Variants in POTEF observed in about 807,000 individuals in gnomAD.
POTEF encodes the protein ANKRD26-like family C member 1B.
In POTEF, 20 loss-of-function variants were observed where a neutral mutation model predicts 83.2. The observed-to-expected ratio is 0.24, with a 90% CI of 0.17 to 0.35. The LOEUF (loss-of-function observed/expected upper bound fraction) is 0.35, where lower values mean the gene tolerates loss of function less well. Ranked by LOEUF, POTEF falls within the 10% of genes least tolerant of loss-of-function variation. The pLI is 1.00. For missense variants in POTEF, 550 were observed against 1,203.2 expected (o/e 0.46, Z 8.03); for synonymous variants, 196 against 446.4 (o/e 0.44, Z 7.07).
intron 1 of POTEF, among the ~76,000 whole-genome samples, 188 bp downstream of exon 1, chr2:130,128,884 C>T (rs1199185575): frequency 2.3e-4 from 29 of 126,874 alleles, no homozygotes; most frequent in Admixed American, 1.7e-3. Context: ...CCATCACCCC[C>T]GCCACCACGG....
chr2:130,083,677 G>A (rs1479468571), intron 15 of POTEF, among the ~76,000 whole-genome samples: 1 of 86,184 alleles, frequency 1.2e-5, no homozygotes, highest in Admixed American at 1.4e-4. Context: ...AAGAGTGAAT[G>A]GAAAGAAAAT....
chr2:130,121,221 C>T (rs1451499058), intron 2 of POTEF, among the ~76,000 whole-genome samples: 1 of 148,524 alleles, frequency 6.7e-6, no homozygotes, highest in African/African-American at 2.5e-5. Flanking sequence ...TAAGTCTTGG[C>T]GCCACGAATG....
At chr2:130,095,017 A>T (rs1188796380) in intron 11 of POTEF, among the ~76,000 whole-genome samples, 10 of 151,222 alleles carry the variant, frequency 6.6e-5, no homozygotes, top group Non-Finnish European at 1.5e-4. Context: ...GGAAAGAACC[A>T]TGTCAAACTT....
chr2:130,128,799 G>T (rs1363935122), intron 1 of POTEF, among the ~76,000 whole-genome samples: 1 of 135,538 alleles, frequency 7.4e-6, no homozygotes, highest in Non-Finnish European at 1.5e-5. Context: ...CCCGGGCAGT[G>T]CAGCAGAAAA....
intron 1 of POTEF, 139 bp downstream of exon 1, chr2:130,128,923 ACCGCCCCCCT>A (rs1685170056): frequency 9.3e-6 from 1 of 107,950 alleles, no homozygotes; most frequent in African/African-American, 4.1e-5. Flanking sequence ...GCCAGCCAAA[ACCGCCCCCCT>A]CCACCGCCAG....
In POTEF at chr2:130,114,908, A is replaced by G. The variant is rs3100059; in HGVS notation, c.783T>C (p.Tyr261=). 3.3e-3 allele frequency: 4,781 copies of G among 1,441,218 alleles called. 130 individuals are homozygous for G. The African/African-American group carries it at 0.061, about 19-fold the overall frequency. 89.3% of individuals were successfully genotyped at this position (1,441,218 alleles called of 1,614,324 possible). Residue 261 remains tyrosine, a synonymous_variant, in exon 5 of 17, where the codon TAT becomes TAC. Coordinates refer to ENST00000409914, the MANE Select transcript of POTEF (RefSeq NM_001099771.2). ...DKLMAKALLL[Y]GADIESKNKH... is the part of the protein sequence containing the mutation. ...TGTTTTTTGATTCGATATCAGCACC[A>G]TATAAGAGCAGTGCTTTGGCCATTA...
At chr2:130,127,324 CAAAAAAAAAA>C (rs57173649) in intron 2 of POTEF, among the ~76,000 whole-genome samples, 2 of 12,442 alleles carry the variant, frequency 1.6e-4, no homozygotes, top group Non-Finnish European at 2.7e-4. Context: ...GACTCTGTCT[CAAAAAAAAAA>C]AAAAAAAAAA....
chr2:130,093,080 A>G (rs1684169508), intron 12 of POTEF, among the ~76,000 whole-genome samples: 1 of 144,850 alleles, frequency 6.9e-6, no homozygotes, highest in African/African-American at 2.7e-5. Context: ...AGGAGCATGA[A>G]CCCTGTTGTG....
intron 3 of POTEF, among the ~76,000 whole-genome samples, chr2:130,119,357 A>G (rs6731913): frequency 0.63 from 95,411 of 151,462 alleles, 30,333 homozygotes; most frequent in Admixed American, 0.72. Flanking sequence ...TAGTAGAGAC[A>G]GGGTTTCACC....
At chr2:130,113,400 T>G (rs1287784329) in intron 5 of POTEF, among the ~76,000 whole-genome samples, 1 of 138,172 alleles carries the variant, frequency 7.2e-6, no homozygotes, top group Non-Finnish European at 1.5e-5. Context: ...TCAGCACATA[T>G]CCAACCCCAA....
At chr2:130,103,614 A>C (rs1386416692) in intron 8 of POTEF, among the ~76,000 whole-genome samples, 1 of 148,980 alleles carries the variant, frequency 6.7e-6, no homozygotes, top group East Asian at 2.0e-4. Context: ...CATCTTACTC[A>C]CATTTTACTC....
rs749033237 is a variant in POTEF at position 130,075,292 on chromosome 2, G to T, written c.2180C>A (p.Pro727His). Residue 727 changes from proline (P) to histidine (H), a missense_variant, in exon 17 of 17, where the codon CCC (proline) becomes CAC (histidine). Transcript: ENST00000409914. Reference sequence around the variant, plus strand: ...CACGATGGAAGGGAAGACAGCCCGGGGGGCATCGTCGCCCGCAAAGCCGGC... The same window carrying T: ...CACGATGGAAGGGAAGACAGCCCGGTGGGCATCGTCGCCCGCAAAGCCGGC... ...CKAGFAGDDA[P>H]RAVFPSIVGR... The T allele has an allele frequency of 2.4e-5, 38 of 1,612,654 alleles. No individual in the cohort carries two copies. The African/African-American group carries it at 4.7e-4, about 20-fold the overall frequency.
At chr2:130,105,970 T>C (rs1293783785) in intron 8 of POTEF, among the ~76,000 whole-genome samples, 1 of 151,052 alleles carries the variant, frequency 6.6e-6, no homozygotes, top group Non-Finnish European at 1.5e-5. Context: ...AATGAGCATG[T>C]GGTGTGACCC....
At chr2:130,097,432 GTTTT>G (rs1684270216) in intron 11 of POTEF, among the ~76,000 whole-genome samples, 2 of 118,136 alleles carry the variant, frequency 1.7e-5, no homozygotes, top group South Asian at 6.6e-4. Flanking sequence ...AACAGGTGTA[GTTTT>G]CAAATTTTAT....
At position 130,075,290 on chromosome 2, in the gene POTEF, G is replaced by C; in HGVS notation, c.2182C>G (p.Arg728Gly). The change falls in exon 17 of 17, where the codon CGG becomes GGG. Residue 728 changes from arginine to glycine, a missense_variant. Transcript: ENST00000409914. ...CCCACGATGGAAGGGAAGACAGCCCGGGGGGCATCGTCGCCCGCAAAGCCG... is the reference window on the plus strand; with the variant it reads ...CCCACGATGGAAGGGAAGACAGCCCCGGGGGCATCGTCGCCCGCAAAGCCG... ...KAGFAGDDAP[R>G]AVFPSIVGRP... The C allele has an allele frequency of 1.2e-6, 2 of 1,612,488 alleles. No homozygotes were observed. Among genetic ancestry groups the C allele is most frequent in the Non-Finnish European group, 1.7e-6 (2 of 1,179,796 alleles).
Position 130,127,842 on chromosome 2 carries a change from T to C in POTEF, c.-227A>G, listed in dbSNP as rs1191196947. On this transcript the variant is annotated 5_prime_UTR_variant, in exon 2 of 17. Coordinates refer to ENST00000409914, the MANE Select transcript of POTEF (RefSeq NM_001099771.2). ...CTCCTCCAGCCTGGCTTGGAGCAGC[T>C]AGACGGGCAAAGCCAGAAAAGCCTA... 6.7e-6 allele frequency: 1 copy of C among 149,884 alleles called. No homozygotes were observed. The highest frequency in any genetic ancestry group is 1.5e-5 in the Non-Finnish European group (1 of 67,710). The allele number at this position is 149,884 out of a possible 1,614,324, so 9.3% of individuals were successfully genotyped here.
rs944227200 is a variant in POTEF, at chr2:130,104,150, A to G, written c.1127-1970T>C. Among the ~76,000 whole-genome samples the G allele has an allele frequency of 4.0e-5, 6 of 150,710 alleles. 1 individual carries two copies. Among genetic ancestry groups the G allele is most frequent in the African/African-American group, 1.5e-4 (6 of 40,030 alleles). On this transcript the variant is annotated intron_variant, in intron 8 of 16. Transcript: ENST00000409914. ...GATGATACTATGTAGCAATTTCTCA[A>G]TAATTCTCATGAACACTTGGAAAGT...
At chr2:130,122,076 A>G (rs1226833302) in intron 2 of POTEF, among the ~76,000 whole-genome samples, 4 of 150,702 alleles carry the variant, frequency 2.7e-5, no homozygotes, top group African/African-American at 4.9e-5. Context: ...AATCATAATA[A>G]TATAGTTACG....
At chr2:130,113,632 T>C (rs2104819325) in intron 5 of POTEF, among the ~76,000 whole-genome samples, 1 of 102,754 alleles carries the variant, frequency 9.7e-6, no homozygotes, top group African/African-American at 3.4e-5. Flanking sequence ...CCCTAGCAGC[T>C]GGGACTACAG....
Sources: gnomAD v4.1 joint callset for allele counts (sites outside exome capture counted in the v4.1 genomes callset) on GRCh38, gnomAD v4.1.1 for gene constraint, MANE v1.5 for transcripts, NCBI Gene and HGNC (gene_info 2026-07-23, HGNC 2026-07-21) for gene names.